Variants in EPHA4 observed in about 807,000 individuals in gnomAD.
The protein encoded by EPHA4 is EPH receptor A4, also known as ephrin type-A receptor 4.
A neutral mutation model predicts 108.3 loss-of-function variants in EPHA4; 19 were observed. The observed-to-expected ratio is 0.18, with a 90% CI of 0.12 to 0.26. The LOEUF is 0.26. Ranked by LOEUF, EPHA4 falls within the 10% of genes least tolerant of loss-of-function variation. The pLI is 1.00. For missense variants in EPHA4, 917 were observed against 1,254.0 expected (o/e 0.73, Z 4.06); for synonymous variants, 449 against 455.5 (o/e 0.99, Z 0.18).
intron 5 of EPHA4, among the ~76,000 whole-genome samples, chr2:221,467,664 G>A (rs1031709734): frequency 1.3e-5 from 2 of 152,200 alleles, no homozygotes; most frequent in African/African-American, 4.8e-5. Context: ...GTGGGTAACA[G>A]CTCAACTGGA....
chr2:221,456,816 T>C (rs1559248979), intron 6 of EPHA4, 44 bp from the exon 7 acceptor site: 1 of 1,607,282 alleles, frequency 6.2e-7, no homozygotes, highest in Non-Finnish European at 8.5e-7. Flanking sequence ...GCAAAATAAA[T>C]CTCCTGCTTA....
At chr2:221,456,573 A>G (rs778273735) in intron 7 of EPHA4, 40 bp downstream of exon 7, 6 of 1,599,736 alleles carry the variant, frequency 3.8e-6, no homozygotes, top group Non-Finnish European at 4.3e-6. Flanking sequence ...TATTATAAAA[A>G]TAGCCTCAGA....
At chr2:221,426,709 G>T in intron 15 of EPHA4, 90 bp from the exon 16 acceptor site, 1 of 1,179,626 alleles carries the variant, frequency 8.5e-7, no homozygotes, top group Non-Finnish European at 1.2e-6. Context: ...TAGGCAAGGA[G>T]AACTGAAAAG....
At chr2:221,420,677 C>A (rs1689732542) in intron 17 of EPHA4, 125 bp from the exon 18 acceptor site, 1 of 152,246 alleles carries the variant, frequency 6.6e-6, no homozygotes, top group African/African-American at 2.4e-5. Context: ...AAAAGTAGTT[C>A]AGTGGTGAGA....
intron 4 of EPHA4, among the ~76,000 whole-genome samples, chr2:221,500,017 A>G (rs1048714448): frequency 6.6e-6 from 1 of 151,946 alleles, no homozygotes; most frequent in African/African-American, 2.4e-5. Flanking sequence ...TCAGCCTCCC[A>G]AAGTGCTGGG....
chr2:221,467,297 CTATACA>C (rs1691341989), intron 5 of EPHA4, among the ~76,000 whole-genome samples: 2 of 152,298 alleles, frequency 1.3e-5, no homozygotes, highest in Admixed American at 1.3e-4. Context: ...AATTCAATGA[CTATACA>C]TTCGAATCTT....
intron 3 of EPHA4, among the ~76,000 whole-genome samples, chr2:221,503,913 C>A (rs1286124248): frequency 6.6e-6 from 1 of 152,178 alleles, no homozygotes; most frequent in South Asian, 2.1e-4. Context: ...TAGTACATTT[C>A]TTTGCTCTAT....
upstream of EPHA4, chr2:221,573,470 G>A (rs6707593): frequency 0.077 from 11,699 of 152,278 alleles, 1,468 homozygotes; most frequent in African/African-American, 0.27. This position sits in a 1 kb window ranked among gnomAD's most constrained non-coding sequence, Gnocchi z 4.5. Context: ...GTGTCCCAGG[G>A]ACCGGTCCCC....
intron 8 of EPHA4, among the ~76,000 whole-genome samples, chr2:221,449,314 C>G (rs1193613516): frequency 2.0e-5 from 3 of 152,174 alleles, no homozygotes; most frequent in Non-Finnish European, 4.4e-5. Flanking sequence ...TGAAGTTCAC[C>G]ACTGGGGCAG....
chr2:221,434,419 AC>A, intron 13 of EPHA4, 128 bp from the exon 14 acceptor site: 1 of 943,704 alleles, frequency 1.1e-6, no homozygotes, highest in Non-Finnish European at 1.6e-6. Context: ...AAACAATAAG[AC>A]ACTTGTTCAT....
Position 221,564,021 on chromosome 2 carries a change from T to G in EPHA4, c.533A>C (p.Lys178Thr), listed in dbSNP as rs761790381. Residue 178 changes from lysine to threonine, a missense_variant, in exon 3 of 18, where the codon AAA becomes ACA. Lys to Thr is a moderately conservative substitution (Grantham distance 78). Coordinates refer to ENST00000281821, the MANE Select transcript of EPHA4 (RefSeq NM_004438.5). ...CTGAAAAGCCAGGTAAAACCCCTTT[T>G]TGCTTAATGGCCCTACATCCCGGAT... ...TEIRDVGPLSKKGFYLAFQDV... is the reference protein window; with the variant it reads ...TEIRDVGPLSTKGFYLAFQDV... The G allele has an allele frequency of 1.9e-6, 3 of 1,613,894 alleles. No individual in the cohort carries two copies. In the South Asian group the frequency reaches 3.3e-5, roughly 18 times the overall value.
intron 3 of EPHA4, among the ~76,000 whole-genome samples, chr2:221,545,395 G>A (rs1693964546): frequency 6.6e-6 from 1 of 152,104 alleles, no homozygotes. Context: ...TGTGAACCCA[G>A]GAGGCGGAGG....
intron 3 of EPHA4, among the ~76,000 whole-genome samples, chr2:221,548,858 T>G (rs1694080983): frequency 6.6e-6 from 1 of 152,150 alleles, no homozygotes; most frequent in South Asian, 2.1e-4. Flanking sequence ...TAATTGAGAT[T>G]AGCATCCATC....
At chr2:221,573,979 G>A (rs1382725391), upstream of EPHA4, 1 of 152,342 alleles carries the variant, frequency 6.6e-6, no homozygotes, top group East Asian at 1.9e-4. This position sits in a 1 kb window ranked among gnomAD's most constrained non-coding sequence, Gnocchi z 4.5. Flanking sequence ...GGTTGCCTGA[G>A]TGGCTGCTCT....
chr2:221,464,471 C>T (rs748258560), intron 5 of EPHA4, among the ~76,000 whole-genome samples: 3 of 152,196 alleles, frequency 2.0e-5, no homozygotes, highest in East Asian at 1.9e-4. Context: ...AGCTCTGGTG[C>T]TAATATTAAT....
At chr2:221,507,291 A>G (rs928430508) in intron 3 of EPHA4, among the ~76,000 whole-genome samples, 1 of 152,220 alleles carries the variant, frequency 6.6e-6, no homozygotes, top group Non-Finnish European at 1.5e-5. Context: ...TAAACTTTTC[A>G]TCAACTGTCT....
At chr2:221,531,748 C>G (rs1211815461) in intron 3 of EPHA4, among the ~76,000 whole-genome samples, 1 of 151,746 alleles carries the variant, frequency 6.6e-6, no homozygotes, top group Non-Finnish European at 1.5e-5. Context: ...TTCTATGTAT[C>G]TAGATATAGA....
chr2:221,573,828 C>G (rs1694925105), upstream of EPHA4: 1 of 152,288 alleles, frequency 6.6e-6, no homozygotes, highest in African/African-American at 2.4e-5. This position sits in a 1 kb window ranked among gnomAD's most constrained non-coding sequence, Gnocchi z 4.5. Context: ...CGCCAAGTCT[C>G]GTGCACTAGG....
intron 13 of EPHA4, 37 bp downstream of exon 13, chr2:221,436,362 C>T (rs761275384): frequency 6.3e-7 from 1 of 1,597,126 alleles, no homozygotes; most frequent in Non-Finnish European, 8.6e-7. Flanking sequence ...AACAGTTTCA[C>T]CAGAGTGAAA....
Sources: gnomAD v4.1 joint callset for allele counts (sites outside exome capture counted in the v4.1 genomes callset) on GRCh38, gnomAD v4.1.1 for gene constraint, Gnocchi (gnomAD v3.1) non-coding constraint, MANE v1.5 for transcripts, NCBI Gene and HGNC (gene_info 2026-07-23, HGNC 2026-07-21) for gene names.